The following PNPLA2 variants were observed in gnomAD, a reference collection of about 807,000 sequenced individuals.
PNPLA2 encodes the protein patatin-like phospholipase domain-containing protein 2.
A neutral mutation model predicts 39.7 loss-of-function variants in PNPLA2; 28 were observed. That is an observed-to-expected ratio of 0.70 (90% CI 0.52 to 0.97). The LOEUF (loss-of-function observed/expected upper bound fraction) is 0.97, where lower values mean the gene tolerates loss of function less well. PNPLA2 is among the 50% of genes least tolerant of loss of function. PNPLA2 has a pLI of 0.00. For missense variants in PNPLA2, 768 were observed against 698.2 expected, an observed-to-expected ratio of 1.10 and a Z score of -1.13; for synonymous variants, 392 against 321.1, an observed-to-expected ratio of 1.22 and a Z score of -2.36.
In PNPLA2 at chr11:819,751, G is replaced by C. The variant is rs757532269; in HGVS notation, c.33G>C (p.Ser11=). The change falls in exon 2 of 10, where the codon TCG becomes TCC. Residue 11 remains serine (S), a synonymous_variant. Transcript: ENST00000336615. ...CCCGCGAGAAGACGTGGAACATCTC[G>C]TTCGCGGGCTGCGGCTTCCTCGGCG... MFPREKTWNI[S]FAGCGFLGVY... 2 of 1,508,346 alleles carry C rather than the reference G, an allele frequency of 1.3e-6. No individual in the cohort carries two copies. The highest frequency in any genetic ancestry group is 1.8e-6 in the Non-Finnish European group (2 of 1,128,694). 93.4% of individuals were successfully genotyped at this position (1,508,346 alleles called of 1,614,324 possible). A position where few individuals can be genotyped will look rare whatever the true frequency, so the allele number is the denominator to read the frequency against.
In PNPLA2 at chr11:819,596, G is replaced by C. The variant is rs986393002; in HGVS notation, c.-123G>C. On this transcript the variant is annotated 5_prime_UTR_variant, in exon 2 of 10. Coordinates refer to ENST00000336615, the MANE Select transcript of PNPLA2 (RefSeq NM_020376.4). ...TAGCTTCTTCGCCTCCGCCAGCGGG[G>C]ACCCCGAGCTAGAGCCGCAGCGGGA... 42 of 1,274,740 alleles carry C rather than the reference G, an allele frequency of 3.3e-5. No homozygotes were observed. The Middle Eastern group carries it at 8.7e-4, about 26-fold the overall frequency. The allele number at this position is 1,274,740 out of a possible 1,614,324, so 79.0% of individuals were successfully genotyped here.
At chr11:823,621 G>A (rs759462648) in intron 6 of PNPLA2, 34 bp downstream of exon 6, 9 of 1,602,944 alleles carry the variant, frequency 5.6e-6, no homozygotes, top group Non-Finnish European at 6.8e-6. Flanking sequence ...GGCGGGGTGG[G>A]CTCGGCTCTG....
At chr11:822,319 CGGGTGGGGT>C in intron 4 of PNPLA2, 69 bp from the exon 5 acceptor site, 2 of 1,296,140 alleles carry the variant, frequency 1.5e-6, no homozygotes. Flanking sequence ...CCTTGGTGGC[CGGGTGGGGT>C]GGCTGGGGTG....
rs1845602664 is a variant in PNPLA2, at chr11:819,667, T to A, written c.-52T>A. 1 of 1,440,614 alleles carries A rather than the reference T, an allele frequency of 6.9e-7. No homozygotes were observed. Among genetic ancestry groups the A allele is most frequent in the African/African-American group, 1.5e-5 (1 of 67,408 alleles). 89.2% of individuals were successfully genotyped at this position (1,440,614 alleles called of 1,614,324 possible). On this transcript the variant is annotated 5_prime_UTR_variant, in exon 2 of 10. Transcript: ENST00000336615. Reference sequence around the variant, plus strand: ...AGCGAGCGAGCGGCGAGCAGGCGGCTCACAGAGGCCTGGCCGCCCACGGAA... The same window carrying A: ...AGCGAGCGAGCGGCGAGCAGGCGGCACACAGAGGCCTGGCCGCCCACGGAA...
rs761266261 is a variant in PNPLA2 at position 824,051 on chromosome 11, A to C, written c.973A>C (p.Met325Leu). Residue 325 changes from methionine to leucine, a missense_variant, in exon 8 of 10, where the codon ATG becomes CTG. Transcript: ENST00000336615. Reference protein sequence around the residue: ...PTDLLTTLSNMLPVRLATAMM... With the variant: ...PTDLLTTLSNLLPVRLATAMM... Reference sequence around the variant, plus strand: ...GGACCTGCTGACCACCCTCTCCAACATGCTGCCTGTGCGTCTGGCCACGGC... The same window carrying C: ...GGACCTGCTGACCACCCTCTCCAACCTGCTGCCTGTGCGTCTGGCCACGGC... 5 of 1,610,744 alleles carry C rather than the reference A, an allele frequency of 3.1e-6. No homozygotes were observed. Among genetic ancestry groups the C allele is most frequent in the Middle Eastern group, 1.7e-4 (1 of 6,054 alleles).
rs986337866 is a variant in PNPLA2 at position 824,607 on chromosome 11, C to T, written c.1260C>T (p.Pro420=). ...GCGCCGCCTACAGAGAGGCACTGCC[C>T]GGCTGGATGCGCAACAACCTCTCGC... ...LSCAAYREAL[P]GWMRNNLSLG... is the part of the protein sequence containing the mutation. Residue 420 remains proline, a synonymous_variant, in exon 10 of 10, where the codon CCC becomes CCT. Transcript: ENST00000336615. The T allele has an allele frequency of 1.9e-6, 3 of 1,591,244 alleles. No individual in the cohort carries two copies. The highest frequency in any genetic ancestry group is 1.3e-5 in the African/African-American group (1 of 74,790).
chr11:821,830 C>T lies in PNPLA2; in HGVS notation c.390C>T (p.Ser130=). The T allele has an allele frequency of 6.2e-7, 1 of 1,613,950 alleles. No individual in the cohort carries two copies. Reference sequence around the variant, plus strand: ...CAGACGGCGAGAATGTCATTATATCCCACTTCAACTCCAAGGACGAGCTCA... The same window carrying T: ...CAGACGGCGAGAATGTCATTATATCTCACTTCAACTCCAAGGACGAGCTCA... ...RVSDGENVII[S]HFNSKDELIQ... The change falls in exon 3 of 10, where the codon TCC becomes TCT. Residue 130 remains serine, a synonymous_variant. Transcript: ENST00000336615.
Position 825,347 on chromosome 11 carries a change from C to A in PNPLA2, c.*485C>A. 1 of 228,268 alleles carries A rather than the reference C, an allele frequency of 4.4e-6. No homozygotes were observed. The allele number at this position is 228,268 out of a possible 1,614,324, so 14.1% of individuals were successfully genotyped here. ...AGGCCAGGTCTCCCAGCGTCGCACTCCTGGGCCTGGCATTTGGAACCTGCC... is the reference window on the plus strand; with the variant it reads ...AGGCCAGGTCTCCCAGCGTCGCACTACTGGGCCTGGCATTTGGAACCTGCC... On this transcript the variant is annotated 3_prime_UTR_variant, in exon 10 of 10. Transcript: ENST00000336615.
chr11:824,252 C>T, intron 8 of PNPLA2, 62 bp from the exon 9 acceptor site: 1 of 1,548,324 alleles, frequency 6.5e-7, no homozygotes, highest in African/African-American at 1.4e-5. Context: ...ACAGACAGGG[C>T]CCGGCGGGTG....
chr11:821,809 C>A lies in PNPLA2; in HGVS notation c.369C>A (p.Asp123Glu). ...GCATCTCCCTGACCCGCGTGTCAGA[C>A]GGCGAGAATGTCATTATATCCCACT... is the stretch of plus-strand genomic sequence containing the variant. ...RLGISLTRVSDGENVIISHFN... is the reference protein window; with the variant it reads ...RLGISLTRVSEGENVIISHFN... The change falls in exon 3 of 10, where the codon GAC becomes GAA. Residue 123 changes from aspartate to glutamate, a missense_variant. Asp to Glu is a conservative substitution (Grantham distance 45, BLOSUM62 2). Transcript: ENST00000336615. 6.2e-7 allele frequency: 1 copy of A among 1,613,966 alleles called. No individual in the cohort carries two copies. The highest frequency in any genetic ancestry group is 2.2e-5 in the East Asian group (1 of 44,886).
At chr11:822,267 C>T in intron 4 of PNPLA2, 130 bp from the exon 5 acceptor site, 1 of 893,798 alleles carries the variant, frequency 1.1e-6, no homozygotes, top group East Asian at 2.5e-5. Context: ...AGCCAGTGCC[C>T]AGTGGGTAAA....
rs1030573328 is a variant in PNPLA2, at chr11:824,680, C to T, written c.1333C>T (p.Leu445Phe). Residue 445 changes from leucine to phenylalanine, a missense_variant, in exon 10 of 10, where the codon CTC (leucine) becomes TTC (phenylalanine). Coordinates refer to ENST00000336615, the MANE Select transcript of PNPLA2 (RefSeq NM_020376.4). The part of the protein sequence containing the change: ...KWEECQRQLL[L>F]GLFCTNVAFP... ...GGAGGAGTGCCAGCGCCAGCTGCTG[C>T]TCGGCCTCTTCTGCACCAACGTGGC... The T allele has an allele frequency of 5.6e-6, 9 of 1,596,620 alleles. No individual in the cohort carries two copies. In the African/African-American group the frequency reaches 1.2e-4, roughly 21 times the overall value.
intron 2 of PNPLA2, among the ~76,000 whole-genome samples, 157 bp downstream of exon 2, chr11:820,062 G>C (rs1308156239): frequency 6.6e-6 from 1 of 152,302 alleles, no homozygotes; most frequent in East Asian, 1.9e-4. Flanking sequence ...GATCCAATCC[G>C]GGTCGCTGGC....
chr11:822,091 C>A, intron 4 of PNPLA2, 68 bp downstream of exon 4: 2 of 1,396,590 alleles, frequency 1.4e-6, no homozygotes, highest in Non-Finnish European at 2.0e-6. Context: ...AGGAGGAGGC[C>A]GCCTAGAGCC....
chr11:825,477 A>G lies in PNPLA2; in HGVS notation c.*615A>G, dbSNP rs1845859887. On this transcript the variant is annotated 3_prime_UTR_variant, in exon 10 of 10. Transcript: ENST00000336615. ...CACACCCCCCCCAATTTTGCCCAGC[A>G]GCCTCCTGGCTGACCCTTGGCCACA... 1 of 149,884 alleles carries G rather than the reference A, an allele frequency of 6.7e-6. No individual in the cohort carries two copies. The highest frequency in any genetic ancestry group is 1.5e-5 in the Non-Finnish European group (1 of 67,944). The allele number at this position is 149,884 out of a possible 1,614,324, so 9.3% of individuals were successfully genotyped here.
chr11:824,928 G>A lies in PNPLA2; in HGVS notation c.*66G>A. On this transcript the variant is annotated 3_prime_UTR_variant, in exon 10 of 10. Coordinates refer to ENST00000336615, the MANE Select transcript of PNPLA2 (RefSeq NM_020376.4). Reference sequence around the variant, plus strand: ...ATTACCACTGCGCAGTGAGATGAGGGGACTCACAGTTGCCAAGAGGGGTCT... The same window carrying A: ...ATTACCACTGCGCAGTGAGATGAGGAGACTCACAGTTGCCAAGAGGGGTCT... 1 of 1,318,134 alleles carries A rather than the reference G, an allele frequency of 7.6e-7. No homozygotes were observed. The highest frequency in any genetic ancestry group is 1.1e-6 in the Non-Finnish European group (1 of 948,374). 81.7% of individuals were successfully genotyped at this position (1,318,134 alleles called of 1,614,324 possible). A position where few individuals can be genotyped will look rare whatever the true frequency, so the allele number is the denominator to read the frequency against.
chr11:821,763 A>G lies in PNPLA2; in HGVS notation c.323A>G (p.Glu108Gly). 6.2e-7 allele frequency: 1 copy of G among 1,613,928 alleles called. No homozygotes were observed. The highest frequency in any genetic ancestry group is 8.5e-7 in the Non-Finnish European group (1 of 1,180,018). Residue 108 changes from glutamate (E) to glycine (G), a missense_variant, in exon 3 of 10, where the codon GAG becomes GGG. Coordinates refer to ENST00000336615, the MANE Select transcript of PNPLA2 (RefSeq NM_020376.4). The part of the protein sequence containing the change: ...LLKVLPADSH[E>G]HASGRLGISL... ...AAGGTCCTGCCTGCTGATAGCCATG[A>G]GCATGCCAGTGGGCGCCTGGGCATC...
chr11:823,811 G>C lies in PNPLA2; in HGVS notation c.875G>C (p.Gly292Ala), dbSNP rs748465075. 1.2e-6 allele frequency: 2 copies of C among 1,601,880 alleles called. No individual in the cohort carries two copies. Among genetic ancestry groups the C allele is most frequent in the Non-Finnish European group, 1.7e-6 (2 of 1,175,212 alleles). ...AQAEDYSQLP[G>A]EDHILEHLPA... is the part of the protein sequence containing the mutation. ...GCGGAGGATTACTCGCAGCTGCCCG[G>C]AGAAGATCACATCCTGGAGCACCTG... Residue 292 changes from glycine (G) to alanine (A), a missense_variant, in exon 7 of 10, where the codon GGA (glycine) becomes GCA (alanine). Physicochemically the swap from Gly to Ala is moderately conservative, Grantham distance 60. Coordinates refer to ENST00000336615, the MANE Select transcript of PNPLA2 (RefSeq NM_020376.4).
rs1270522823 is a variant in PNPLA2 at position 822,442 on chromosome 11, C to T, written c.532C>T (p.Leu178Phe). 6.2e-7 allele frequency: 1 copy of T among 1,613,984 alleles called. No individual in the cohort carries two copies. Among genetic ancestry groups the T allele is most frequent in the Non-Finnish European group, 8.5e-7 (1 of 1,180,016 alleles). Reference sequence around the variant, plus strand: ...TTCAGACAACCTGCCACTCTATGAGCTTAAGAACACCATCACAGTGTCCCC... The same window carrying T: ...TTCAGACAACCTGCCACTCTATGAGTTTAAGAACACCATCACAGTGTCCCC... ...GISDNLPLYE[L>F]KNTITVSPFS... Residue 178 changes from leucine to phenylalanine, a missense_variant, in exon 5 of 10, where the codon CTT (leucine) becomes TTT (phenylalanine). Leu to Phe is a conservative substitution (Grantham distance 22). Coordinates refer to ENST00000336615, the MANE Select transcript of PNPLA2 (RefSeq NM_020376.4).
Sources: allele counts gnomAD v4.1 joint callset (sites outside exome capture counted in the v4.1 genomes callset), GRCh38; gene constraint gnomAD v4.1.1; transcripts MANE v1.5; gene names NCBI Gene and HGNC (gene_info 2026-07-23, HGNC 2026-07-21).